PRKD3: variants seen among roughly 807,000 people sequenced by gnomAD.
PRKD3 encodes the protein protein kinase D3, also known as serine/threonine-protein kinase D3.
A neutral mutation model predicts 99.2 loss-of-function variants in PRKD3; 47 were observed. The observed-to-expected ratio is 0.47, with a 90% CI of 0.38 to 0.60. The LOEUF is 0.60. PRKD3 is among the 20% of genes least tolerant of loss of function. The pLI is 0.00. For synonymous variants in PRKD3, 392 were observed against 355.4 expected (o/e 1.10, Z -1.16); for missense variants, 1,019 against 1,088.4 (o/e 0.94, Z 0.90).
At chr2:37,253,547 C>CA (rs368578022) in intron 18 of PRKD3, 197 bp from the exon 19 acceptor site, 6 of 484,078 alleles carry the variant, frequency 1.2e-5, no homozygotes, top group South Asian at 4.7e-5. Context: ...TTTTCAAACT[C>CA]AGAGTCTCCA....
chr2:37,297,080 A>G (rs1458857966), intron 2 of PRKD3, among the ~76,000 whole-genome samples: 3 of 152,114 alleles, frequency 2.0e-5, no homozygotes, highest in Admixed American at 6.5e-5. Flanking sequence ...AATGAATTCA[A>G]TATACAAGGA....
At chr2:37,291,522 C>A (rs1670422350) in intron 3 of PRKD3, among the ~76,000 whole-genome samples, 1 of 152,194 alleles carries the variant, frequency 6.6e-6, no homozygotes, top group South Asian at 2.1e-4. Context: ...CTTCCTCTCA[C>A]CTCAACCTGC....
chr2:37,286,463 C>A, intron 5 of PRKD3, 94 bp from the exon 6 acceptor site: 3 of 1,080,142 alleles, frequency 2.8e-6, no homozygotes, highest in African/African-American at 1.6e-5. Context: ...ATTTCAAACA[C>A]TAAAGCCAAA....
At chr2:37,308,285 T>G (rs1386198730) in intron 2 of PRKD3, among the ~76,000 whole-genome samples, 1 of 152,220 alleles carries the variant, frequency 6.6e-6, no homozygotes, top group Non-Finnish European at 1.5e-5. Flanking sequence ...ATAAAATCTC[T>G]AAACTGATCT....
rs914455064 is a variant in PRKD3, at chr2:37,267,552, G to A, written c.1778-16C>T. On this transcript the variant is annotated splice_polypyrimidine_tract_variant and intron_variant, in intron 13 of 18. Transcript: ENST00000234179. ...CTATGTTTTCCTATTAAGAAAAAAAGAAGAGGAACGAATGAAGCAAACTGA... is the reference window on the plus strand; with the variant it reads ...CTATGTTTTCCTATTAAGAAAAAAAAAAGAGGAACGAATGAAGCAAACTGA... 1 of 1,552,432 alleles carries A rather than the reference G, an allele frequency of 6.4e-7. No individual in the cohort carries two copies. The highest frequency in any genetic ancestry group is 1.4e-5 in the African/African-American group (1 of 73,284).
chr2:37,317,291 C>T, intron 1 of PRKD3, 112 bp from the exon 2 acceptor site: 1 of 378,522 alleles, frequency 2.6e-6, no homozygotes, highest in Non-Finnish European at 3.6e-6. Context: ...GCTTATAATT[C>T]ACTAATAAAT....
intron 17 of PRKD3, 125 bp downstream of exon 17, chr2:37,256,537 G>A (rs1217666712): frequency 4.9e-6 from 6 of 1,227,830 alleles, no homozygotes; most frequent in Non-Finnish European, 6.5e-6. Context: ...GAATTTGGAA[G>A]ATGAATGGGA....
chr2:37,272,572 C>A, intron 11 of PRKD3, 140 bp from the exon 12 acceptor site: 1 of 1,070,236 alleles, frequency 9.3e-7, no homozygotes, highest in Non-Finnish European at 1.3e-6. Context: ...AAAATCTACA[C>A]ATACAACCCA....
intron 17 of PRKD3, among the ~76,000 whole-genome samples, chr2:37,256,451 G>A (rs1385638559): frequency 2.0e-5 from 3 of 152,128 alleles, no homozygotes; most frequent in Non-Finnish European, 4.4e-5. Flanking sequence ...CTATGTAAGT[G>A]CTATGCCTGG....
At chr2:37,282,710 A>C (rs1669908398) in intron 6 of PRKD3, 91 bp from the exon 7 acceptor site, 1 of 873,850 alleles carries the variant, frequency 1.1e-6, no homozygotes, top group Non-Finnish European at 1.9e-6. Flanking sequence ...CACAAACAGA[A>C]TATTATTAGT....
intron 2 of PRKD3, among the ~76,000 whole-genome samples, chr2:37,300,791 T>C (rs2124868541): frequency 6.6e-6 from 1 of 152,306 alleles, no homozygotes; most frequent in Admixed American, 6.5e-5. Context: ...TTTCCCACTT[T>C]TTGAGTCTGA....
intron 1 of PRKD3, among the ~76,000 whole-genome samples, chr2:37,322,873 G>A (rs975005378): frequency 6.6e-6 from 1 of 152,062 alleles, no homozygotes; most frequent in Non-Finnish European, 1.5e-5. Flanking sequence ...ATTAAAACTT[G>A]TACTAGCAAA....
At chr2:37,283,813 CCT>C (rs1304718503) in intron 6 of PRKD3, among the ~76,000 whole-genome samples, 4 of 151,476 alleles carry the variant, frequency 2.6e-5, no homozygotes. Flanking sequence ...GTGGCAAAAC[CCT>C]GTCTCTACAA....
chr2:37,292,022 G>A (rs1328282356), intron 3 of PRKD3, among the ~76,000 whole-genome samples: 1 of 152,132 alleles, frequency 6.6e-6, no homozygotes, highest in South Asian at 2.1e-4. Context: ...TGCGTGAGGT[G>A]GAAAAAGTGA....
At chr2:37,311,527 T>C (rs900890021) in intron 2 of PRKD3, among the ~76,000 whole-genome samples, 14 of 152,242 alleles carry the variant, frequency 9.2e-5, no homozygotes, top group South Asian at 2.1e-4. Flanking sequence ...TGTAGGATAA[T>C]TGTATAACAC....
chr2:37,319,168 C>T (rs1671775972), intron 1 of PRKD3, among the ~76,000 whole-genome samples: 1 of 152,034 alleles, frequency 6.6e-6, no homozygotes, highest in Non-Finnish European at 1.5e-5. Context: ...AAGTACTTGC[C>T]CAAGACCACA....
At chr2:37,285,442 T>C (rs147638052) in intron 6 of PRKD3, among the ~76,000 whole-genome samples, 1 of 152,224 alleles carries the variant, frequency 6.6e-6, no homozygotes, top group Non-Finnish European at 1.5e-5. Flanking sequence ...ATAATTTTAG[T>C]AGCTTTTATT....
chr2:37,265,349 G>C (rs1323616676), intron 14 of PRKD3, among the ~76,000 whole-genome samples: 1 of 152,096 alleles, frequency 6.6e-6, no homozygotes, highest in East Asian at 1.9e-4. Context: ...AGTAAATGAG[G>C]TGTGATTTTT....
intron 13 of PRKD3, chr2:37,269,297 A>G: frequency 3.3e-6 from 1 of 307,606 alleles, no homozygotes; most frequent in Non-Finnish European, 6.4e-6. Context: ...ACTTCAATGA[A>G]TAAGCCCACT....
Sources: gnomAD v4.1 joint callset for allele counts (sites outside exome capture counted in the v4.1 genomes callset) on GRCh38, gnomAD v4.1.1 for gene constraint, MANE v1.5 for transcripts, NCBI Gene and HGNC (gene_info 2026-07-23, HGNC 2026-07-21) for gene names.